Variants in RNGTT observed in about 807,000 individuals in gnomAD.
RNGTT encodes mRNA-capping enzyme.
Under a neutral mutation model 79.3 loss-of-function variants are expected in RNGTT, and 33 were observed. The observed-to-expected ratio is 0.42, with a 90% CI of 0.32 to 0.56. The LOEUF is 0.56. RNGTT is among the 20% of genes least tolerant of loss of function. The probability of loss-of-function intolerance (pLI) is 0.17; values close to 1 mark genes in which losing one functional copy is unlikely to be tolerated. For missense variants in RNGTT, 497 were observed against 739.1 expected (o/e 0.67, Z 3.80); for synonymous variants, 222 against 235.9 (o/e 0.94, Z 0.54).
intron 11 of RNGTT, among the ~76,000 whole-genome samples, chr6:88,803,384 T>G (rs1174655341): frequency 2.0e-5 from 3 of 151,580 alleles, no homozygotes; most frequent in Non-Finnish European, 2.9e-5. Flanking sequence ...GACCAGCCTG[T>G]CCAATATGGT....
chr6:88,631,757 G>A (rs1048044403), intron 14 of RNGTT, among the ~76,000 whole-genome samples: 4 of 152,102 alleles, frequency 2.6e-5, no homozygotes, highest in Admixed American at 1.3e-4. Flanking sequence ...TTTGGATGGA[G>A]GTTGGGAGAA....
intron 8 of RNGTT, among the ~76,000 whole-genome samples, chr6:88,883,765 G>A (rs1782768701): frequency 6.6e-6 from 1 of 151,942 alleles, no homozygotes; most frequent in Non-Finnish European, 1.5e-5. Context: ...TCAAAATCAA[G>A]AGGCAATAAA....
chr6:88,844,030 G>A (rs1781404590), intron 11 of RNGTT, among the ~76,000 whole-genome samples: 1 of 151,670 alleles, frequency 6.6e-6, no homozygotes, highest in African/African-American at 2.4e-5. Flanking sequence ...TTCAGGATGT[G>A]TAGGAGCAGG....
chr6:88,762,720 T>C (rs1039939752), intron 13 of RNGTT, among the ~76,000 whole-genome samples: 1 of 152,132 alleles, frequency 6.6e-6, no homozygotes, highest in African/African-American at 2.4e-5. Flanking sequence ...CATGCAGTAG[T>C]TTAAAGGACT....
At chr6:88,642,269 A>G (rs1389365055) in intron 14 of RNGTT, among the ~76,000 whole-genome samples, 3 of 152,222 alleles carry the variant, frequency 2.0e-5, no homozygotes, top group Non-Finnish European at 2.9e-5. Context: ...TGACTTAAGG[A>G]CATTTAACAA....
chr6:88,894,741 A>G (rs1783175032), intron 6 of RNGTT, among the ~76,000 whole-genome samples: 1 of 152,144 alleles, frequency 6.6e-6, no homozygotes, highest in African/African-American at 2.4e-5. Flanking sequence ...TCAGCATAAA[A>G]TAGTTAAATC....
At chr6:88,880,194 GAA>G (rs1266398021) in intron 8 of RNGTT, among the ~76,000 whole-genome samples, 1 of 151,368 alleles carries the variant, frequency 6.6e-6, no homozygotes, top group Non-Finnish European at 1.5e-5. Context: ...ATGAATGAAT[GAA>G]TGAATGAATG....
intron 14 of RNGTT, among the ~76,000 whole-genome samples, chr6:88,627,764 A>G (rs940023013): frequency 1.3e-5 from 2 of 152,102 alleles, no homozygotes; most frequent in Non-Finnish European, 2.9e-5. Context: ...GCCTTGAACC[A>G]TTAGACTAAA....
chr6:88,630,728 A>C (rs1240822828), intron 14 of RNGTT, among the ~76,000 whole-genome samples: 1 of 150,622 alleles, frequency 6.6e-6, no homozygotes, highest in African/African-American at 2.4e-5. Context: ...TTTTTTTTTT[A>C]ACTTTAATCC....
At chr6:88,904,228 A>AT (rs1239060029) in intron 6 of RNGTT, among the ~76,000 whole-genome samples, 1 of 152,040 alleles carries the variant, frequency 6.6e-6, no homozygotes, top group Admixed American at 6.6e-5. Flanking sequence ...AACAGGAAAA[A>AT]TTTACGTAAC....
chr6:88,949,023 CTTGT>C (rs1785134188), intron 1 of RNGTT, among the ~76,000 whole-genome samples: 1 of 119,366 alleles, frequency 8.4e-6, no homozygotes, highest in Non-Finnish European at 1.7e-5. Context: ...CCTTTGTTCA[CTTGT>C]TTATCTGCTG....
intron 8 of RNGTT, among the ~76,000 whole-genome samples, chr6:88,865,656 G>A (rs1482358202): frequency 2.0e-5 from 3 of 152,072 alleles, no homozygotes; most frequent in African/African-American, 7.2e-5. Flanking sequence ...CTGAATGAGC[G>A]ATAACTCAAA....
intron 14 of RNGTT, among the ~76,000 whole-genome samples, chr6:88,626,776 C>A (rs1296346961): frequency 6.6e-6 from 1 of 151,960 alleles, no homozygotes; most frequent in Non-Finnish European, 1.5e-5. Flanking sequence ...AAATGAGAAG[C>A]CATTATTGGG....
chr6:88,741,752 A>C (rs962842329), intron 13 of RNGTT, among the ~76,000 whole-genome samples: 11 of 152,214 alleles, frequency 7.2e-5, no homozygotes, highest in African/African-American at 1.7e-4. Flanking sequence ...GATACAAAAA[A>C]TTATTAATAG....
intron 11 of RNGTT, among the ~76,000 whole-genome samples, chr6:88,818,831 G>A (rs934095826): frequency 1.3e-5 from 2 of 152,114 alleles, no homozygotes; most frequent in East Asian, 1.9e-4. Context: ...ATAAATGACT[G>A]CAAAATTTAA....
intron 13 of RNGTT, among the ~76,000 whole-genome samples, chr6:88,706,366 T>C (rs1022930720): frequency 6.6e-6 from 1 of 152,002 alleles, no homozygotes; most frequent in African/African-American, 2.4e-5. Context: ...AGGTATAATC[T>C]TTACTATTAG....
chr6:88,921,848 C>T (rs1021480875), intron 4 of RNGTT, among the ~76,000 whole-genome samples: 2 of 151,976 alleles, frequency 1.3e-5, no homozygotes, highest in African/African-American at 4.8e-5. Flanking sequence ...TAACTGTTCA[C>T]ATAGAACTTA....
intron 13 of RNGTT, among the ~76,000 whole-genome samples, chr6:88,718,925 A>G (rs1006614472): frequency 1.3e-5 from 2 of 152,242 alleles, no homozygotes; most frequent in African/African-American, 4.8e-5. Context: ...CACAAATCTC[A>G]TTGCAACAGA....
intron 11 of RNGTT, among the ~76,000 whole-genome samples, chr6:88,827,756 A>C (rs1019290734): frequency 6.6e-6 from 1 of 152,102 alleles, no homozygotes. Flanking sequence ...TTCCCCTCCC[A>C]GTGTAAACAA....
Sources: allele counts gnomAD v4.1 joint callset (sites outside exome capture counted in the v4.1 genomes callset), GRCh38; gene constraint gnomAD v4.1.1; transcripts MANE v1.5; gene names NCBI Gene and HGNC (gene_info 2026-07-23, HGNC 2026-07-21).